Variants in MAST2 observed in about 807,000 individuals in gnomAD.
MAST2 encodes the protein microtubule associated serine/threonine kinase 2.
In MAST2, 70 loss-of-function variants were observed where a neutral mutation model predicts 147.4. That is an observed-to-expected ratio of 0.47 (90% confidence interval 0.39 to 0.58). MAST2 has a LOEUF of 0.58. MAST2 is among the 20% of genes least tolerant of loss of function. The pLI, the probability that MAST2 is intolerant of heterozygous loss-of-function variation, is 0.00. For synonymous variants in MAST2, 869 were observed against 896.8 expected (o/e 0.97, Z 0.55); for missense variants, 2,080 against 2,302.3 (o/e 0.90, Z 1.98).
chr1:45,939,980 G>GGTTTTTTT (rs1557937782), intron 4 of MAST2, among the ~76,000 whole-genome samples: 2 of 97,286 alleles, frequency 2.1e-5, no homozygotes, highest in Non-Finnish European at 3.9e-5. Context: ...TTTATTTAGG[G>GGTTTTTTT]TTTTTTTTTT....
At position 45,989,743 on chromosome 1, in the gene MAST2, C is replaced by T. The variant is rs1571096407; in HGVS notation, c.593-7981C>T. Among the ~76,000 whole-genome samples, 3 of 53,856 alleles carry T rather than the reference C, an allele frequency of 5.6e-5. No individual in the cohort carries two copies. In the South Asian group the frequency reaches 2.3e-3, roughly 41 times the overall value. 35.3% of individuals were successfully genotyped at this position (53,856 alleles called of 152,430 possible). ...GTGCACAGTACTTCACCTATTTGTC[C>T]CTCATCATTTCCCGCTGGCACCATT... is the stretch of plus-strand genomic sequence containing the variant. On this transcript the variant is annotated intron_variant, in intron 5 of 28. Coordinates refer to ENST00000361297, the MANE Select transcript of MAST2 (RefSeq NM_015112.3).
intron 3 of MAST2, among the ~76,000 whole-genome samples, chr1:45,876,139 G>A (rs959286314): frequency 7.9e-5 from 12 of 152,228 alleles, no homozygotes; most frequent in Admixed American, 2.6e-4. Flanking sequence ...GACTAAAAAT[G>A]CAGTGAAGCT....
chr1:46,035,328 G>C lies in MAST2; in HGVS notation c.4659G>C (p.Arg1553Ser). ...ATCCTTTCCCGTCCAGAGACCCTAGGAGCCTGGGCCCAATGGTCCCAAGCC... is the reference window on the plus strand; with the variant it reads ...ATCCTTTCCCGTCCAGAGACCCTAGCAGCCTGGGCCCAATGGTCCCAAGCC... ...EEDPFPSRDP[R>S]SLGPMVPSLL... The change falls in exon 29 of 29, where the codon AGG (arginine) becomes AGC (serine). Residue 1553 changes from arginine to serine, a missense_variant. Arg to Ser is a moderately radical substitution (Grantham distance 110, BLOSUM62 -1). Transcript: ENST00000361297. This position sits in a 1 kb window ranked among gnomAD's most constrained non-coding sequence, Gnocchi z 5.5. 1 of 1,613,898 alleles carries C rather than the reference G, an allele frequency of 6.2e-7. No homozygotes were observed. The highest frequency in any genetic ancestry group is 8.5e-7 in the Non-Finnish European group (1 of 1,179,956).
At chr1:45,878,112 G>A (rs1352736351) in intron 3 of MAST2, among the ~76,000 whole-genome samples, 1 of 150,282 alleles carries the variant, frequency 6.7e-6, no homozygotes, top group Non-Finnish European at 1.5e-5. Flanking sequence ...GCTGAGGCAG[G>A]AAAATCACTT....
At chr1:46,024,526 C>T (rs1485102664) in intron 15 of MAST2, among the ~76,000 whole-genome samples, 1 of 152,186 alleles carries the variant, frequency 6.6e-6, no homozygotes, top group Non-Finnish European at 1.5e-5. Context: ...GATACTGTGC[C>T]TAGTCTTGAA....
chr1:45,965,921 G>A (rs747341951), intron 5 of MAST2, among the ~76,000 whole-genome samples: 3 of 152,094 alleles, frequency 2.0e-5, no homozygotes, highest in African/African-American at 2.4e-5. Flanking sequence ...AAGATTCACT[G>A]TTAGTGGTAT....
At chr1:45,988,028 A>G (rs1350341472) in intron 5 of MAST2, among the ~76,000 whole-genome samples, 4 of 151,852 alleles carry the variant, frequency 2.6e-5, no homozygotes, top group Non-Finnish European at 4.4e-5. Context: ...CATTTTTATT[A>G]AAAAGACATA....
At chr1:45,904,834 G>T (rs2148515371) in intron 4 of MAST2, among the ~76,000 whole-genome samples, 1 of 151,872 alleles carries the variant, frequency 6.6e-6, no homozygotes, top group Middle Eastern at 3.4e-3. Context: ...TGAGAGAGAG[G>T]CCTTGCTCTG....
At chr1:45,903,407 G>A (rs1156506982) in intron 4 of MAST2, among the ~76,000 whole-genome samples, 1 of 152,128 alleles carries the variant, frequency 6.6e-6, no homozygotes, top group Non-Finnish European at 1.5e-5. Flanking sequence ...TGGGATTACA[G>A]GCATGAGCCA....
At chr1:46,028,005 C>T (rs760796509) in intron 17 of MAST2, 142 bp downstream of exon 17, 9 of 935,688 alleles carry the variant, frequency 9.6e-6, no homozygotes, top group Non-Finnish European at 1.5e-5. Context: ...TAGTGAGACC[C>T]CATCTCTACA....
intron 1 of MAST2, among the ~76,000 whole-genome samples, chr1:45,812,031 A>G (rs1345045140): frequency 1.3e-5 from 2 of 152,038 alleles, no homozygotes; most frequent in Admixed American, 6.6e-5. Flanking sequence ...TGGCCTCCCA[A>G]AATGCTGGAA....
chr1:46,016,726 T>G (rs1032695261), intron 10 of MAST2, among the ~76,000 whole-genome samples: 2 of 152,092 alleles, frequency 1.3e-5, no homozygotes, highest in Admixed American at 1.3e-4. Context: ...AGAATCAATA[T>G]CGTGAAAATG....
At chr1:45,903,558 G>A (rs1650167295) in intron 4 of MAST2, among the ~76,000 whole-genome samples, 1 of 152,178 alleles carries the variant, frequency 6.6e-6, no homozygotes, top group African/African-American at 2.4e-5. Context: ...TTACTGTAAA[G>A]TCATTCGGGA....
chr1:45,983,470 A>T (rs1015162832), intron 5 of MAST2, among the ~76,000 whole-genome samples: 1 of 151,668 alleles, frequency 6.6e-6, no homozygotes, highest in African/African-American at 2.4e-5. Flanking sequence ...TGTCCATTCT[A>T]AATTTTAGAG....
At chr1:45,813,802 T>C (rs948725878) in intron 1 of MAST2, among the ~76,000 whole-genome samples, 1 of 152,144 alleles carries the variant, frequency 6.6e-6, no homozygotes, top group East Asian at 1.9e-4. Flanking sequence ...CCTGGCCAGA[T>C]TATAATTTTT....
chr1:45,935,380 C>T (rs1465437373), intron 4 of MAST2, among the ~76,000 whole-genome samples: 1 of 152,122 alleles, frequency 6.6e-6, no homozygotes, highest in Admixed American at 6.6e-5. Flanking sequence ...TTTTGCTGTG[C>T]AGAAGCTCTT....
Position 46,034,932 on chromosome 1 carries a change from G to A in MAST2, c.4263G>A (p.Lys1421=). The A allele has an allele frequency of 2.5e-6, 4 of 1,614,172 alleles. No homozygotes were observed. Among genetic ancestry groups the A allele is most frequent in the Non-Finnish European group, 3.4e-6 (4 of 1,180,040 alleles). ...LAAALAASEK[K]LATSRKHSLD... ...CAGCACTTGCCGCCTCTGAGAAGAAGCTAGCCACTTCTCGCAAGCACAGCC... is the reference window on the plus strand; with the variant it reads ...CAGCACTTGCCGCCTCTGAGAAGAAACTAGCCACTTCTCGCAAGCACAGCC... The change falls in exon 29 of 29, where the codon AAG becomes AAA. Residue 1421 remains lysine (K), a synonymous_variant. Coordinates refer to ENST00000361297, the MANE Select transcript of MAST2 (RefSeq NM_015112.3).
intron 3 of MAST2, among the ~76,000 whole-genome samples, chr1:45,841,540 C>A (rs929194094): frequency 6.6e-6 from 1 of 151,938 alleles, no homozygotes; most frequent in Non-Finnish European, 1.5e-5. Context: ...TGGATGCCAC[C>A]ATGCCTGGCT....
At chr1:46,028,635 G>A (rs1220083566) in intron 17 of MAST2, 133 bp from the exon 18 acceptor site, 1 of 860,670 alleles carries the variant, frequency 1.2e-6, no homozygotes, top group Non-Finnish European at 1.9e-6. Flanking sequence ...TGTTGATCTT[G>A]TTCATTAACT....
Sources: gnomAD v4.1 joint callset for allele counts (sites outside exome capture counted in the v4.1 genomes callset) on GRCh38, gnomAD v4.1.1 for gene constraint, Gnocchi (gnomAD v3.1) non-coding constraint, MANE v1.5 for transcripts, NCBI Gene and HGNC (gene_info 2026-07-23, HGNC 2026-07-21) for gene names.